Variants in CNTNAP2 observed in about 807,000 individuals in gnomAD.
The protein encoded by CNTNAP2 is contactin associated protein 2, also known as contactin-associated protein-like 2.
In CNTNAP2, 98 loss-of-function variants were observed where a neutral mutation model predicts 155.2. The ratio of observed to expected loss-of-function variants is 0.63; its 90% CI spans 0.54 to 0.75. The LOEUF is 0.75. CNTNAP2 is among the 30% of genes least tolerant of loss of function. The pLI, the probability that CNTNAP2 is intolerant of heterozygous loss-of-function variation, is 0.00. For synonymous variants in CNTNAP2, 651 were observed against 631.2 expected, an observed-to-expected ratio of 1.03 and a Z score of -0.47; for missense variants, 1,727 against 1,688.1, an observed-to-expected ratio of 1.02 and a Z score of -0.40.
At chr7:147,073,122 CTTT>C (rs59033495) in intron 4 of CNTNAP2, among the ~76,000 whole-genome samples, 23,162 of 142,034 alleles carry the variant, frequency 0.16, 4,793 homozygotes, top group African/African-American at 0.49. Flanking sequence ...AAAGCCTTTT[CTTT>C]TTTTTTTTTT....
intron 12 of CNTNAP2, among the ~76,000 whole-genome samples, chr7:147,627,720 TAAAAC>T (rs1272401381): frequency 6.9e-6 from 1 of 144,458 alleles, no homozygotes; most frequent in Non-Finnish European, 1.5e-5. Context: ...AAAAAGATAT[TAAAAC>T]AAAATACAGG....
At chr7:147,201,040 G>A (rs749960394) in intron 8 of CNTNAP2, among the ~76,000 whole-genome samples, 6 of 152,116 alleles carry the variant, frequency 3.9e-5, no homozygotes, top group Non-Finnish European at 5.9e-5. Context: ...CTTAATCACC[G>A]ATTATCCACA....
intron 16 of CNTNAP2, among the ~76,000 whole-genome samples, chr7:148,134,655 T>C (rs1216043084): frequency 6.6e-6 from 1 of 152,184 alleles, no homozygotes; most frequent in African/African-American, 2.4e-5. Context: ...TAAAATAATA[T>C]CTTATTTTGA....
At chr7:147,025,972 G>A (rs1233771841) in intron 3 of CNTNAP2, among the ~76,000 whole-genome samples, 2 of 151,816 alleles carry the variant, frequency 1.3e-5, no homozygotes, top group East Asian at 1.9e-4. Context: ...CAATTCTCAT[G>A]CCTCAGCCTC....
At chr7:147,541,135 T>G (rs982890775) in intron 11 of CNTNAP2, among the ~76,000 whole-genome samples, 1 of 152,148 alleles carries the variant, frequency 6.6e-6, no homozygotes, top group Non-Finnish European at 1.5e-5. Context: ...ATGGTAACAG[T>G]TAGAACACCC....
chr7:146,646,952 C>G (rs1799822024), intron 1 of CNTNAP2, among the ~76,000 whole-genome samples: 1 of 152,116 alleles, frequency 6.6e-6, no homozygotes, highest in Non-Finnish European at 1.5e-5. Context: ...CCTAGAACAC[C>G]CTGGAGAGAA....
chr7:146,281,098 C>T (rs543249049), intron 1 of CNTNAP2, among the ~76,000 whole-genome samples: 7 of 152,248 alleles, frequency 4.6e-5, no homozygotes, highest in South Asian at 2.1e-4. Flanking sequence ...TGGGCCAAGG[C>T]GGGTCACAGC....
chr7:146,797,018 C>A (rs1334694178), intron 2 of CNTNAP2, among the ~76,000 whole-genome samples: 1 of 152,036 alleles, frequency 6.6e-6, no homozygotes, highest in Non-Finnish European at 1.5e-5. Flanking sequence ...CGCCTGTAGT[C>A]CCAGCTACTC....
intron 1 of CNTNAP2, among the ~76,000 whole-genome samples, chr7:146,439,993 G>A (rs763574660): frequency 5.3e-5 from 8 of 151,386 alleles, no homozygotes; most frequent in Non-Finnish European, 8.8e-5. Flanking sequence ...GTGTGGTGGT[G>A]GAAACCTGTA....
intron 14 of CNTNAP2, among the ~76,000 whole-genome samples, chr7:147,960,833 T>C (rs1485987372): frequency 6.6e-6 from 1 of 151,704 alleles, no homozygotes; most frequent in African/African-American, 2.4e-5. Flanking sequence ...CCTCCTTCTC[T>C]CTCTCTGTCT....
intron 11 of CNTNAP2, among the ~76,000 whole-genome samples, chr7:147,532,872 C>T (rs1017486982): frequency 6.6e-6 from 1 of 152,198 alleles, no homozygotes; most frequent in South Asian, 2.1e-4. Flanking sequence ...TTACCTCCCC[C>T]TGAGTTCCTC....
intron 2 of CNTNAP2, among the ~76,000 whole-genome samples, chr7:146,778,236 G>A (rs1047852678): frequency 6.6e-6 from 1 of 152,150 alleles, no homozygotes; most frequent in African/African-American, 2.4e-5. Flanking sequence ...ATTTTGGAGA[G>A]AAAGTTTATA....
At chr7:146,380,784 CTTTTTTTTTTTTTTTTTTT>C (rs56886106) in intron 1 of CNTNAP2, among the ~76,000 whole-genome samples, 4 of 38,810 alleles carry the variant, frequency 1.0e-4, no homozygotes, top group African/African-American at 2.4e-4. Flanking sequence ...TATGCACGTT[CTTTTTTTTTTTTTTTTTTT>C]TTTTTTTTTT....
rs763675353 is a variant in CNTNAP2 at position 146,330,417 on chromosome 7, A to G, written c.97+213444A>G. The stretch of plus-strand genomic sequence containing the variant: ...CTGTATCTTTTTTGAAGGTGGTGAT[A>G]TGGGTGGCTATAAAACAAACCTGTT... On this transcript the variant is annotated intron_variant, in intron 1 of 23. Transcript: ENST00000361727. Among the ~76,000 whole-genome samples the G allele has an allele frequency of 2.6e-4, 40 of 152,124 alleles. 2 individuals carry two copies. Among genetic ancestry groups the G allele is most frequent in the Admixed American group, 2.0e-4 (3 of 15,254 alleles).
intron 1 of CNTNAP2, among the ~76,000 whole-genome samples, chr7:146,550,637 C>T (rs2693390): frequency 0.03 from 4,580 of 151,900 alleles, 249 homozygotes; most frequent in African/African-American, 0.1. Context: ...TGTGCAATTA[C>T]AATGTTTGTA....
intron 4 of CNTNAP2, among the ~76,000 whole-genome samples, chr7:147,088,116 A>G (rs560666521): frequency 6.6e-6 from 1 of 152,330 alleles, no homozygotes; most frequent in East Asian, 1.9e-4. Flanking sequence ...AATCTCGCTA[A>G]CCTCAGGACT....
chr7:147,121,434 G>T, intron 6 of CNTNAP2: 1 of 345,108 alleles, frequency 2.9e-6, no homozygotes, highest in South Asian at 3.0e-5. Flanking sequence ...AATAAATTCA[G>T]AATAAATTTA....
At chr7:147,281,050 T>G (rs1805022758) in intron 8 of CNTNAP2, among the ~76,000 whole-genome samples, 1 of 151,948 alleles carries the variant, frequency 6.6e-6, no homozygotes, top group Admixed American at 6.6e-5. Flanking sequence ...GAATCTCGAT[T>G]TAATCATCTG....
chr7:146,550,401 G>GTTTT (rs10673467), intron 1 of CNTNAP2, among the ~76,000 whole-genome samples: 3,569 of 54,152 alleles, frequency 0.066, 680 homozygotes, highest in Non-Finnish European at 0.077. Flanking sequence ...CCATTAATCT[G>GTTTT]TTTTTTTTTT....
Sources: allele counts gnomAD v4.1 joint callset (sites outside exome capture counted in the v4.1 genomes callset), GRCh38; gene constraint gnomAD v4.1.1; transcripts MANE v1.5; gene names NCBI Gene and HGNC (gene_info 2026-07-23, HGNC 2026-07-21).